Variants in ZNF507 observed in about 807,000 individuals in gnomAD.
ZNF507 encodes zinc finger protein 507.
In ZNF507, 29 loss-of-function variants were observed where a neutral mutation model predicts 80.0. The ratio of observed to expected loss-of-function variants is 0.36; its 90% CI spans 0.27 to 0.49. ZNF507 has a LOEUF of 0.49. Ranked by LOEUF, ZNF507 falls within the 20% of genes least tolerant of loss-of-function variation. The pLI, the probability that ZNF507 is intolerant of heterozygous loss-of-function variation, is 0.98. For missense variants in ZNF507, 1,081 were observed against 1,152.2 expected, an observed-to-expected ratio of 0.94 and a Z score of 0.90; for synonymous variants, 462 against 422.5, an observed-to-expected ratio of 1.09 and a Z score of -1.15.
chr19:32,359,959 C>T (rs1411431025), intron 4 of ZNF507, among the ~76,000 whole-genome samples: 2 of 152,066 alleles, frequency 1.3e-5, no homozygotes, highest in African/African-American at 2.4e-5. Context: ...AGCTCCTGGC[C>T]TCCGGCAGTC....
chr19:32,348,425 A>T (rs1179416632), intron 2 of ZNF507, among the ~76,000 whole-genome samples: 1 of 152,178 alleles, frequency 6.6e-6, no homozygotes, highest in African/African-American at 2.4e-5. Context: ...CTCCAGGCCC[A>T]CATGAATTGT....
chr19:32,360,452 C>T lies in ZNF507; in HGVS notation c.2246-52C>T, dbSNP rs1426905376. The stretch of plus-strand genomic sequence containing the variant: ...ATTTACAATGGAATGTAAATGCTGT[C>T]ATTTGAATCTTGTCAAAGCCTGCTA... On this transcript the variant is annotated intron_variant, in intron 4 of 6. Coordinates refer to ENST00000355898, the MANE Select transcript of ZNF507 (RefSeq NM_001136156.2). The T allele has an allele frequency of 1.4e-5, 13 of 899,010 alleles. No homozygotes were observed. In the East Asian group the frequency reaches 3.7e-4, roughly 26 times the overall value. 55.7% of individuals were successfully genotyped at this position (899,010 alleles called of 1,614,324 possible). A position where few individuals can be genotyped will look rare whatever the true frequency, so the allele number is the denominator to read the frequency against.
In ZNF507 at chr19:32,354,227, A is replaced by G. The variant is rs1320040714; in HGVS notation, c.1397A>G (p.Glu466Gly). 3 of 1,613,916 alleles carry G rather than the reference A, an allele frequency of 1.9e-6. No homozygotes were observed. The highest frequency in any genetic ancestry group is 2.5e-6 in the Non-Finnish European group (3 of 1,180,020). Residue 466 changes from glutamate (E) to glycine (G), a missense_variant, in exon 3 of 7, where the codon GAG becomes GGG. Coordinates refer to ENST00000355898, the MANE Select transcript of ZNF507 (RefSeq NM_001136156.2). ...TGGAGCAGTTCAGAGAAAAAAGACG[A>G]GTTAATGAATAAAGGCCTGGCTACT... ...IGWSSSEKKDELMNKGLATDE... is the reference protein window; with the variant it reads ...IGWSSSEKKDGLMNKGLATDE...
At chr19:32,361,473 A>G (rs563553893) in intron 5 of ZNF507, among the ~76,000 whole-genome samples, 31 of 152,278 alleles carry the variant, frequency 2.0e-4, no homozygotes, top group African/African-American at 7.2e-4. Flanking sequence ...TTTAATCCCA[A>G]AGTGTGGTGA....
intron 5 of ZNF507, among the ~76,000 whole-genome samples, chr19:32,367,920 G>C (rs779660544): frequency 1.7e-4 from 26 of 152,304 alleles, no homozygotes; most frequent in Non-Finnish European, 3.2e-4. Context: ...GCCAGACCCG[G>C]TGTGCTAAGC....
chr19:32,383,344 C>T lies in ZNF507; in HGVS notation c.*261C>T, dbSNP rs1967648707. On this transcript the variant is annotated 3_prime_UTR_variant, in exon 7 of 7. Coordinates refer to ENST00000355898, the MANE Select transcript of ZNF507 (RefSeq NM_001136156.2). Reference sequence around the variant, plus strand: ...GTAATCCTGTATTAACCCTCTGTCACCCCTTCTTAGTGTCGAGTGTATTTA... The same window carrying T: ...GTAATCCTGTATTAACCCTCTGTCATCCCTTCTTAGTGTCGAGTGTATTTA... The T allele has an allele frequency of 2.4e-6, 1 of 412,010 alleles. No homozygotes were observed. The allele number at this position is 412,010 out of a possible 1,614,324, so 25.5% of individuals were successfully genotyped here. A position where few individuals can be genotyped will look rare whatever the true frequency, so the allele number is the denominator to read the frequency against.
intron 5 of ZNF507, among the ~76,000 whole-genome samples, chr19:32,376,826 C>A (rs186976004): frequency 1.3e-5 from 2 of 152,254 alleles, no homozygotes; most frequent in East Asian, 1.9e-4. Context: ...AGTGTTGAGT[C>A]ATCTCCAATG....
intron 2 of ZNF507, among the ~76,000 whole-genome samples, chr19:32,350,382 T>TA (rs2098065798): frequency 6.6e-6 from 1 of 152,230 alleles, no homozygotes; most frequent in Non-Finnish European, 1.5e-5. Context: ...ATGAGATACT[T>TA]ACATAAATGT....
At chr19:32,380,515 A>T in intron 5 of ZNF507, 1 of 1,258,922 alleles carries the variant, frequency 7.9e-7, no homozygotes, top group African/African-American at 1.5e-5. Context: ...AAAAGAGTTT[A>T]GTCTTTGACC....
intron 5 of ZNF507, among the ~76,000 whole-genome samples, chr19:32,363,906 A>G (rs1967362961): frequency 6.6e-6 from 1 of 151,928 alleles, no homozygotes; most frequent in Non-Finnish European, 1.5e-5. Context: ...CTCTGGAGTC[A>G]CTCTAGTATC....
chr19:32,387,219 G>A lies in ZNF507; in HGVS notation c.*4136G>A, dbSNP rs1460247237. 1 of 152,158 alleles carries A rather than the reference G, an allele frequency of 6.6e-6. No homozygotes were observed. The highest frequency in any genetic ancestry group is 1.9e-4 in the East Asian group (1 of 5,200). 9.4% of individuals were successfully genotyped at this position (152,158 alleles called of 1,614,324 possible). On this transcript the variant is annotated 3_prime_UTR_variant, in exon 7 of 7. Transcript: ENST00000355898. ...GAAGGAATTAGCATTCCTTAGTGAA[G>A]GCCAAAAACTACAGTGATATGTTCA...
chr19:32,378,231 T>TAA (rs986083906), intron 5 of ZNF507, among the ~76,000 whole-genome samples: 1 of 152,068 alleles, frequency 6.6e-6, no homozygotes, highest in African/African-American at 2.4e-5. Flanking sequence ...CACACACCTG[T>TAA]AATCCCAGCT....
intron 5 of ZNF507, among the ~76,000 whole-genome samples, chr19:32,370,549 C>T (rs867168432): frequency 2.6e-5 from 4 of 152,206 alleles, no homozygotes; most frequent in Admixed American, 6.5e-5. Flanking sequence ...AATATCTGTT[C>T]AGGTCCTTTG....
At chr19:32,351,476 G>GTGTGGC in intron 2 of ZNF507, among the ~76,000 whole-genome samples, 1 of 51,008 alleles carries the variant, frequency 2.0e-5, no homozygotes, top group Non-Finnish European at 4.1e-5. Context: ...TGTGTGGCGT[G>GTGTGGC]GGGGGGCGGG....
Position 32,385,894 on chromosome 19 carries a change from TAGAC to T in ZNF507, c.*2815_*2818del, listed in dbSNP as rs1967682370. The T allele has an allele frequency of 6.6e-6, 1 of 152,184 alleles. No homozygotes were observed. Among genetic ancestry groups the T allele is most frequent in the South Asian group, 2.1e-4 (1 of 4,830 alleles). 9.4% of individuals were successfully genotyped at this position (152,184 alleles called of 1,614,324 possible). Reference sequence around the variant, plus strand: ...TTATTTATTGGTATTGACTTCTTATTAGACAGAGCTCATAGTATTTGTTTTCTGC... The same window carrying T: ...TTATTTATTGGTATTGACTTCTTATTAGAGCTCATAGTATTTGTTTTCTGC... On this transcript the variant is annotated 3_prime_UTR_variant, in exon 7 of 7. Transcript: ENST00000355898.
rs780500579 is a variant in ZNF507, at chr19:32,382,726, G to A, written c.2505G>A (p.Gly835=). 5 of 1,611,796 alleles carry A rather than the reference G, an allele frequency of 3.1e-6. No individual in the cohort carries two copies. In the Admixed American group the frequency reaches 8.4e-5, roughly 27 times the overall value. The change falls in exon 7 of 7, where the codon GGG becomes GGA. Residue 835 remains glycine (G), a synonymous_variant. Transcript: ENST00000355898. The stretch of plus-strand genomic sequence containing the variant: ...TTGTTTTGTTTTTAAGAGTTCTGGG[G>A]AAATCCCCTGGAAAGACTCAATTAA... ...DAISQSGRVL[G]KSPGKTQLKS... is the part of the protein sequence containing the mutation.
At chr19:32,374,338 G>T (rs139934149) in intron 5 of ZNF507, among the ~76,000 whole-genome samples, 1 of 151,914 alleles carries the variant, frequency 6.6e-6, no homozygotes, top group Non-Finnish European at 1.5e-5. Flanking sequence ...TGATCTGGAC[G>T]GAATGTTAGT....
At chr19:32,352,413 A>T (rs548811841) in intron 2 of ZNF507, among the ~76,000 whole-genome samples, 1 of 152,260 alleles carries the variant, frequency 6.6e-6, no homozygotes, top group South Asian at 2.1e-4. Flanking sequence ...GTTTCACAGT[A>T]ACTGGAGGGG....
chr19:32,380,753 T>C, intron 5 of ZNF507: 1 of 866,256 alleles, frequency 1.2e-6, no homozygotes. Flanking sequence ...TCCTGAGTGT[T>C]TGCCCAAATG....
Sources: gnomAD v4.1 joint callset for allele counts (sites outside exome capture counted in the v4.1 genomes callset) on GRCh38, gnomAD v4.1.1 for gene constraint, MANE v1.5 for transcripts, NCBI Gene and HGNC (gene_info 2026-07-23, HGNC 2026-07-21) for gene names.